Variants in CLCN5 observed in about 807,000 individuals in gnomAD.
CLCN5 encodes Cl-/H+ antiporter 5, also known as H(+)/Cl(-) exchange transporter 5.
Under a neutral mutation model 54.0 loss-of-function variants are expected in CLCN5, and 17 were observed. The observed-to-expected ratio is 0.31, with a 90% CI of 0.22 to 0.47. The LOEUF (loss-of-function observed/expected upper bound fraction) is 0.47. Ranked by LOEUF, CLCN5 falls within the 20% of genes least tolerant of loss-of-function variation. The pLI is 1.00. For missense variants in CLCN5, 448 were observed against 646.7 expected (o/e 0.69, Z 3.33); for synonymous variants, 222 against 233.0 (o/e 0.95, Z 0.43).
intron 3 of CLCN5, among the ~76,000 whole-genome samples, chrX:50,029,406 G>C (rs1451433993): frequency 9.4e-6 from 1 of 106,630 alleles, no homozygotes; most frequent in East Asian, 3.0e-4. Context: ...TGCGGTGTTT[G>C]GTTGTTTGTC....
At chrX:49,956,398 G>C (rs1176004042) in intron 3 of CLCN5, among the ~76,000 whole-genome samples, 2 of 112,392 alleles carry the variant, frequency 1.8e-5, no homozygotes, top group Admixed American at 1.9e-4. Context: ...GTAAGATGGG[G>C]ATAGTAGTAT....
chrX:49,988,626 C>T (rs782432258), intron 3 of CLCN5, among the ~76,000 whole-genome samples: 1 of 111,420 alleles, frequency 9.0e-6, no homozygotes, highest in South Asian at 3.8e-4. Flanking sequence ...TTTTTTTTAA[C>T]TTGTAAACTG....
chrX:50,063,521 T>C (rs1217767031), intron 4 of CLCN5, among the ~76,000 whole-genome samples: 1 of 105,962 alleles, frequency 9.4e-6, no homozygotes, highest in Non-Finnish European at 1.9e-5. Flanking sequence ...TAATCAATAG[T>C]TTACCAACCA....
chrX:49,985,258 A>G (rs1398026907), intron 3 of CLCN5, among the ~76,000 whole-genome samples: 2 of 111,337 alleles, frequency 1.8e-5, no homozygotes, highest in East Asian at 2.8e-4. Flanking sequence ...GTTGCCATTT[A>G]AGAAAGATAT....
At chrX:50,080,783 A>G (rs1408922990) in intron 8 of CLCN5, 67 bp downstream of exon 8, 11 of 919,449 alleles carry the variant, frequency 1.2e-5, no homozygotes, top group Admixed American at 2.2e-5. Flanking sequence ...ATCTCTTAAT[A>G]TGTATTCCAG....
At chrX:50,071,710 A>T (rs950830959) in intron 5 of CLCN5, among the ~76,000 whole-genome samples, 12 of 112,250 alleles carry the variant, frequency 1.1e-4, no homozygotes, top group South Asian at 3.7e-4. Context: ...AAAACTATTT[A>T]AAAAAATGCT....
At chrX:50,063,444 C>T (rs1557190256) in intron 4 of CLCN5, among the ~76,000 whole-genome samples, 1 of 108,155 alleles carries the variant, frequency 9.2e-6, no homozygotes, top group Non-Finnish European at 1.9e-5. Flanking sequence ...ATACACTCTC[C>T]CAAGACTAAA....
chrX:49,954,298 T>C (rs1927204038), intron 3 of CLCN5, among the ~76,000 whole-genome samples: 1 of 111,767 alleles, frequency 8.9e-6, no homozygotes, highest in South Asian at 3.7e-4. Flanking sequence ...CAGCTTTGAA[T>C]GTGGCCCAAC....
At chrX:50,053,481 T>C (rs1000739247) in intron 4 of CLCN5, among the ~76,000 whole-genome samples, 2 of 111,018 alleles carry the variant, frequency 1.8e-5, no homozygotes, top group Non-Finnish European at 3.8e-5. Flanking sequence ...GAACCTGCTT[T>C]TGTTGATTTT....
chrX:50,065,315 G>GA (rs1932962553), intron 4 of CLCN5, among the ~76,000 whole-genome samples: 1 of 84,991 alleles, frequency 1.2e-5, no homozygotes, highest in Non-Finnish European at 2.3e-5. Context: ...AAATTTACAA[G>GA]AAAAAAACAA....
chrX:49,954,785 G>T (rs1464520348), intron 3 of CLCN5, among the ~76,000 whole-genome samples: 1 of 111,846 alleles, frequency 8.9e-6, no homozygotes, highest in East Asian at 2.8e-4. Flanking sequence ...ATTAGGGATG[G>T]ACCTATTTCT....
At chrX:49,927,310 A>G (rs1302285600) in intron 3 of CLCN5, among the ~76,000 whole-genome samples, 2 of 112,493 alleles carry the variant, frequency 1.8e-5, no homozygotes, top group Non-Finnish European at 3.7e-5. Context: ...CATAGTAAAT[A>G]ATGTATTTTG....
At chrX:50,083,090 T>C (rs1933763168) in intron 9 of CLCN5, among the ~76,000 whole-genome samples, 1 of 111,009 alleles carries the variant, frequency 9.0e-6, no homozygotes, top group Admixed American at 9.6e-5. Context: ...TTTATTTTCT[T>C]TGAATTACAA....
chrX:50,067,571 C>T (rs1602107674), intron 4 of CLCN5: 1 of 752,155 alleles, frequency 1.3e-6, no homozygotes, highest in Non-Finnish European at 1.6e-6. Context: ...ACATTCTGAC[C>T]GCCAGGGAAC....
intron 3 of CLCN5, among the ~76,000 whole-genome samples, chrX:50,004,061 T>A (rs1217693479): frequency 8.9e-6 from 1 of 112,287 alleles, no homozygotes; most frequent in African/African-American, 3.2e-5. Flanking sequence ...ACTTGTTTGC[T>A]CAAGAGGGTG....
intron 3 of CLCN5, among the ~76,000 whole-genome samples, chrX:49,948,722 C>T (rs1926886032): frequency 9.0e-6 from 1 of 111,695 alleles, no homozygotes; most frequent in Non-Finnish European, 1.9e-5. Context: ...CAGCAGGTAA[C>T]AGTAAGTATG....
At chrX:50,014,331 C>T (rs1343790628) in intron 3 of CLCN5, among the ~76,000 whole-genome samples, 2 of 111,981 alleles carry the variant, frequency 1.8e-5, no homozygotes, top group Non-Finnish European at 3.8e-5. Flanking sequence ...TACATGCTAA[C>T]GCTGTGCTGC....
intron 3 of CLCN5, among the ~76,000 whole-genome samples, chrX:49,962,426 T>A (rs1192958921): frequency 1.8e-5 from 2 of 111,736 alleles, no homozygotes; most frequent in African/African-American, 6.5e-5. Flanking sequence ...CATGTATTAC[T>A]GGAGATTCCC....
intron 6 of CLCN5, 105 bp from the exon 7 acceptor site, chrX:50,075,690 A>G: frequency 1.2e-5 from 8 of 663,554 alleles, no homozygotes; most frequent in Non-Finnish European, 2.0e-5. Context: ...TGTTACTTTG[A>G]TTCCTTTCCC....
Sources: gnomAD v4.1 joint callset for allele counts (sites outside exome capture counted in the v4.1 genomes callset) on GRCh38, gnomAD v4.1.1 for gene constraint, MANE v1.5 for transcripts, NCBI Gene and HGNC (gene_info 2026-07-23, HGNC 2026-07-21) for gene names.